CTNNA3: variants seen among roughly 807,000 people sequenced by gnomAD.
The protein encoded by CTNNA3 is catenin alpha 3.
Under a neutral mutation model 95.7 loss-of-function variants are expected in CTNNA3, and 76 were observed. The observed-to-expected ratio is 0.79, with a 90% confidence interval of 0.66 to 0.96. CTNNA3 has a LOEUF of 0.96. Among genes scored for constraint, CTNNA3 ranks in the 40% least tolerant of loss-of-function variants. CTNNA3 has a pLI of 0.00. For missense variants in CTNNA3, 1,191 were observed against 1,089.8 expected, an observed-to-expected ratio of 1.09 and a Z score of -1.31; for synonymous variants, 431 against 374.4, an observed-to-expected ratio of 1.15 and a Z score of -1.74.
At chr10:67,723,241 C>T (rs1040046506) in intron 1 of CTNNA3, among the ~76,000 whole-genome samples, 124 of 151,976 alleles carry the variant, frequency 8.2e-4, no homozygotes, top group African/African-American at 2.8e-3. Context: ...TCCCACTTGG[C>T]CTCCCAAAGT....
chr10:65,942,361 T>C (rs1215675061), intron 17 of CTNNA3, among the ~76,000 whole-genome samples: 1 of 152,148 alleles, frequency 6.6e-6, no homozygotes, highest in Non-Finnish European at 1.5e-5. Context: ...ACCCTGTCTC[T>C]ACTAAAAATA....
At chr10:67,392,875 G>A (rs1034990020) in intron 5 of CTNNA3, among the ~76,000 whole-genome samples, 1 of 152,058 alleles carries the variant, frequency 6.6e-6, no homozygotes, top group Admixed American at 6.6e-5. Flanking sequence ...ATGGACACAG[G>A]AAGGGGAACA....
chr10:67,087,703 A>C (rs975331350), intron 7 of CTNNA3, among the ~76,000 whole-genome samples: 4 of 152,012 alleles, frequency 2.6e-5, no homozygotes, highest in Non-Finnish European at 5.9e-5. Flanking sequence ...AGCTAATGTC[A>C]TAATGGCCTG....
intron 9 of CTNNA3, among the ~76,000 whole-genome samples, chr10:66,731,122 A>C (rs773655653): frequency 6.6e-6 from 1 of 152,194 alleles, no homozygotes; most frequent in Non-Finnish European, 1.5e-5. Context: ...ATATATAAAA[A>C]CAGGAGCAAA....
intron 10 of CTNNA3, among the ~76,000 whole-genome samples, chr10:66,545,790 T>C (rs1411261489): frequency 1.3e-5 from 2 of 152,022 alleles, no homozygotes; most frequent in African/African-American, 4.8e-5. Flanking sequence ...CTGTTTTCTA[T>C]ATGTTCATTA....
At chr10:66,888,398 C>A (rs1458242013) in intron 7 of CTNNA3, among the ~76,000 whole-genome samples, 1 of 152,188 alleles carries the variant, frequency 6.6e-6, no homozygotes, top group African/African-American at 2.4e-5. Context: ...CCATGCTGAA[C>A]TTCTGACATA....
intron 11 of CTNNA3, among the ~76,000 whole-genome samples, chr10:66,507,728 C>A (rs1258140550): frequency 1.3e-5 from 2 of 151,584 alleles, no homozygotes; most frequent in Non-Finnish European, 1.5e-5. Flanking sequence ...ATATATATTA[C>A]ATTTTCTTTA....
chr10:66,933,825 GTAGCTGCTCTTACCAA>G (rs1158713253), intron 7 of CTNNA3, among the ~76,000 whole-genome samples: 1 of 152,162 alleles, frequency 6.6e-6, no homozygotes, highest in Admixed American at 6.6e-5. Context: ...TCCGCTGGAT[GTAGCTGCTCTTACCAA>G]TATGAAGTAG....
At chr10:66,437,759 G>A (rs1380469929) in intron 11 of CTNNA3, among the ~76,000 whole-genome samples, 1 of 152,082 alleles carries the variant, frequency 6.6e-6, no homozygotes, top group Admixed American at 6.5e-5. Flanking sequence ...GAGGAGTTGT[G>A]ATCCTTTGGA....
chr10:66,797,419 A>AAC (rs1451337376), intron 7 of CTNNA3, among the ~76,000 whole-genome samples: 122 of 147,056 alleles, frequency 8.3e-4, no homozygotes, highest in Middle Eastern at 3.4e-3. Context: ...AAAAAAAAAA[A>AAC]AAACCCACAT....
At chr10:66,197,862 T>C (rs1445746543) in intron 13 of CTNNA3, among the ~76,000 whole-genome samples, 4 of 152,086 alleles carry the variant, frequency 2.6e-5, no homozygotes, top group Non-Finnish European at 5.9e-5. Flanking sequence ...AGACCTATGC[T>C]TACCAACTTG....
chr10:67,039,936 A>G (rs1263636786), intron 7 of CTNNA3, among the ~76,000 whole-genome samples: 2 of 152,060 alleles, frequency 1.3e-5, no homozygotes, highest in Non-Finnish European at 2.9e-5. Context: ...CAACCCACCA[A>G]TCTGTCATAA....
At chr10:66,597,616 C>T (rs1219463663) in intron 10 of CTNNA3, among the ~76,000 whole-genome samples, 1 of 142,818 alleles carries the variant, frequency 7.0e-6, no homozygotes, top group Non-Finnish European at 1.5e-5. Context: ...AAACTCTGAA[C>T]ACAGAAAGAG....
At chr10:66,551,868 T>G (rs995667975) in intron 10 of CTNNA3, among the ~76,000 whole-genome samples, 1 of 151,656 alleles carries the variant, frequency 6.6e-6, no homozygotes, top group African/African-American at 2.4e-5. Context: ...ACAGGTTCAT[T>G]CACGGGATTA....
rs1863668288 is a variant in CTNNA3, at chr10:67,201,940, AC to A, written c.843+17666del. On this transcript the variant is annotated intron_variant, in intron 6 of 17. Transcript: ENST00000433211. Reference sequence around the variant, plus strand: ...TGAGATCCTTCCATCTGTGAGACACACCCATGAAGAGAGCCCTGGATTTGTC... The same window carrying A: ...TGAGATCCTTCCATCTGTGAGACACACCATGAAGAGAGCCCTGGATTTGTC... 3.3e-5 allele frequency among the ~76,000 whole-genome samples: 5 copies of A among 152,314 alleles called. 1 individual carries two copies. The South Asian group carries it at 1.0e-3, about 32-fold the overall frequency.
chr10:66,191,987 T>C (rs1416010100), intron 13 of CTNNA3, among the ~76,000 whole-genome samples: 2 of 152,146 alleles, frequency 1.3e-5, no homozygotes, highest in Admixed American at 1.3e-4. Flanking sequence ...GGCCATCCAC[T>C]CTGTTGCCTT....
intron 13 of CTNNA3, among the ~76,000 whole-genome samples, chr10:66,141,191 G>A (rs1268507034): frequency 6.6e-6 from 1 of 151,616 alleles, no homozygotes; most frequent in Non-Finnish European, 1.5e-5. Flanking sequence ...CCCAGGAGGT[G>A]GAAGTTGCAG....
chr10:66,131,680 T>C (rs1353289583), intron 13 of CTNNA3, among the ~76,000 whole-genome samples: 1 of 152,054 alleles, frequency 6.6e-6, no homozygotes, highest in African/African-American at 2.4e-5. Flanking sequence ...AAAAACAGCA[T>C]GATACTGGTA....
At chr10:67,145,417 T>C (rs777654690) in intron 7 of CTNNA3, among the ~76,000 whole-genome samples, 1 of 144,296 alleles carries the variant, frequency 6.9e-6, no homozygotes, top group Non-Finnish European at 1.5e-5. Flanking sequence ...CTGACATTAT[T>C]ATTTTTTAAA....
Sources: gnomAD v4.1 joint callset for allele counts (sites outside exome capture counted in the v4.1 genomes callset) on GRCh38, gnomAD v4.1.1 for gene constraint, MANE v1.5 for transcripts, NCBI Gene and HGNC (gene_info 2026-07-23, HGNC 2026-07-21) for gene names.